The following FRMPD4 variants were observed in gnomAD, a reference collection of about 807,000 sequenced individuals.
FRMPD4 encodes FERM and PDZ domain-containing protein 4.
FRMPD4 carries 22 observed loss-of-function variants against 94.1 expected under a neutral mutation model. The observed-to-expected ratio is 0.23, with a 90% CI of 0.17 to 0.33. The LOEUF (loss-of-function observed/expected upper bound fraction) is 0.33, where lower values mean the gene tolerates loss of function less well. FRMPD4 is among the 10% of genes least tolerant of loss of function. FRMPD4 has a pLI of 1.00. For synonymous variants in FRMPD4, 631 were observed against 548.6 expected (o/e 1.15, Z -2.10); for missense variants, 1,111 against 1,339.9 (o/e 0.83, Z 2.67).
chrX:12,513,274 A>G (rs1418384756), intron 2 of FRMPD4, among the ~76,000 whole-genome samples: 1 of 111,980 alleles, frequency 8.9e-6, no homozygotes, highest in Non-Finnish European at 1.9e-5. Flanking sequence ...TGATGTTTCC[A>G]TCATGAAATC....
At chrX:12,203,793 G>T (rs1222562235) in intron 1 of FRMPD4, among the ~76,000 whole-genome samples, 1 of 111,808 alleles carries the variant, frequency 8.9e-6, no homozygotes, top group Non-Finnish European at 1.9e-5. Context: ...AGGACAATTT[G>T]TACTTTCACA....
intron 3 of FRMPD4, among the ~76,000 whole-genome samples, chrX:11,961,237 C>T (rs1182082245): frequency 8.9e-6 from 1 of 112,210 alleles, no homozygotes; most frequent in Non-Finnish European, 1.9e-5. Context: ...TTTACTCTCT[C>T]TCCTCTTCTG....
intron 3 of FRMPD4, among the ~76,000 whole-genome samples, chrX:11,886,503 CT>C (rs2053846213): frequency 9.0e-6 from 1 of 111,614 alleles, no homozygotes; most frequent in Non-Finnish European, 1.9e-5. Flanking sequence ...GTGCTTTGCC[CT>C]TTCAAAGCTC....
intron 3 of FRMPD4, among the ~76,000 whole-genome samples, chrX:11,909,569 G>C (rs2053985736): frequency 9.3e-6 from 1 of 107,264 alleles, no homozygotes; most frequent in African/African-American, 3.4e-5. Context: ...CCTTCTGCTT[G>C]CTTTAGGTTT....
chrX:12,300,478 A>G (rs2054842949), intron 1 of FRMPD4, among the ~76,000 whole-genome samples: 1 of 112,069 alleles, frequency 8.9e-6, no homozygotes, highest in South Asian at 3.7e-4. Flanking sequence ...TGTGGACTTC[A>G]TGCCACTCTT....
At chrX:12,680,214 G>C (rs1773281920) in intron 5 of FRMPD4, among the ~76,000 whole-genome samples, 1 of 112,029 alleles carries the variant, frequency 8.9e-6, no homozygotes, top group South Asian at 3.8e-4. Context: ...AAAATGTACA[G>C]GGGTTGATTA....
At chrX:12,239,994 C>T (rs913280505) in intron 1 of FRMPD4, among the ~76,000 whole-genome samples, 1 of 112,116 alleles carries the variant, frequency 8.9e-6, no homozygotes, top group African/African-American at 3.2e-5. Context: ...AGAGATAAAC[C>T]TTCAGTTCAT....
At chrX:11,950,989 G>A (rs1470835119) in intron 3 of FRMPD4, among the ~76,000 whole-genome samples, 1 of 105,385 alleles carries the variant, frequency 9.5e-6, no homozygotes, top group Non-Finnish European at 1.9e-5. Flanking sequence ...AACCTGGGAG[G>A]CGGAGGTTGC....
At position 12,166,342 on chromosome X, in the gene FRMPD4, C is replaced by A. The variant is rs774072658; in HGVS notation, c.41+27330C>A. On this transcript the variant is annotated intron_variant, in intron 1 of 16. Coordinates refer to ENST00000675598, the MANE Select transcript of FRMPD4 (RefSeq NM_001368397.1). ...TTTTGTTTTTGGTTCTGTTTATATG[C>A]TGGATTGTGTTTATTGATTTTCATA... is the stretch of plus-strand genomic sequence containing the variant. 2.7e-5 allele frequency among the ~76,000 whole-genome samples: 3 copies of A among 111,736 alleles called. No homozygotes were observed. In the East Asian group the frequency reaches 8.4e-4, roughly 31 times the overall value.
intron 1 of FRMPD4, among the ~76,000 whole-genome samples, chrX:12,192,358 T>C (rs1185908201): frequency 8.9e-6 from 1 of 112,006 alleles, no homozygotes; most frequent in African/African-American, 3.2e-5. Context: ...ATTCCTGTAG[T>C]GGTATTTAGG....
At chrX:12,230,781 T>A (rs757847398) in intron 1 of FRMPD4, among the ~76,000 whole-genome samples, 12 of 101,524 alleles carry the variant, frequency 1.2e-4, no homozygotes, top group East Asian at 6.1e-4. Flanking sequence ...CTAGAGCTAT[T>A]GATTCAAAGA....
intron 1 of FRMPD4, among the ~76,000 whole-genome samples, chrX:12,312,972 G>A (rs1342852189): frequency 1.8e-5 from 2 of 111,438 alleles, no homozygotes; most frequent in Non-Finnish European, 3.8e-5. Flanking sequence ...GGAAGACTAT[G>A]GGGGAGCGAT....
chrX:12,421,622 G>C (rs2056884515), intron 1 of FRMPD4, among the ~76,000 whole-genome samples: 1 of 109,754 alleles, frequency 9.1e-6, no homozygotes, highest in Admixed American at 9.7e-5. Context: ...AGCTGAGCAT[G>C]GTGGTGTGTG....
At chrX:12,516,605 C>G (rs2058099558) in intron 2 of FRMPD4, among the ~76,000 whole-genome samples, 1 of 111,632 alleles carries the variant, frequency 9.0e-6, no homozygotes, top group Admixed American at 9.5e-5. Context: ...CCTGGCCTTT[C>G]TCTCTGGCTG....
intron 3 of FRMPD4, among the ~76,000 whole-genome samples, chrX:11,900,432 G>T (rs1389371325): frequency 8.9e-6 from 1 of 111,924 alleles, no homozygotes; most frequent in African/African-American, 3.2e-5. Flanking sequence ...CATGGGTAGG[G>T]TTATCTGACC....
chrX:12,498,725 G>T lies in FRMPD4; in HGVS notation c.87G>T (p.Trp29Cys). The T allele has an allele frequency of 8.3e-7, 1 of 1,204,289 alleles. No homozygotes were observed. The highest frequency in any genetic ancestry group is 1.8e-5 in the South Asian group (1 of 56,555). Residue 29 changes from tryptophan to cysteine, a missense_variant, in exon 2 of 17, where the codon TGG becomes TGT. By Grantham distance (215) the Trp-to-Cys change is radical. This residue lies in a region of FRMPD4 where 140 missense variants were observed against 165.9 expected (regional missense o/e 0.84). Transcript: ENST00000675598. ...SSGWPPPSGTWGLSQVPPYGW... is the reference protein window; with the variant it reads ...SSGWPPPSGTCGLSQVPPYGW... Reference sequence around the variant, plus strand: ...GCTGGCCGCCTCCCTCGGGAACCTGGGGCTTGAGCCAGGTGCCGCCCTATG... The same window carrying T: ...GCTGGCCGCCTCCCTCGGGAACCTGTGGCTTGAGCCAGGTGCCGCCCTATG...
intron 1 of FRMPD4, among the ~76,000 whole-genome samples, chrX:12,390,548 T>C (rs1345570842): frequency 9.8e-6 from 1 of 102,167 alleles, no homozygotes; most frequent in African/African-American, 3.8e-5. Context: ...CCATCACCCT[T>C]GAATGGCAAA....
intron 1 of FRMPD4, 87 bp from the exon 2 acceptor site, chrX:12,498,593 G>A: frequency 5.1e-6 from 3 of 586,059 alleles, no homozygotes; most frequent in Non-Finnish European, 9.1e-6. Flanking sequence ...TCTAAGAGGA[G>A]CAAGTCACAT....
chrX:12,712,385 CA>C (rs1569069858), intron 14 of FRMPD4, among the ~76,000 whole-genome samples: 1 of 110,576 alleles, frequency 9.0e-6, no homozygotes, highest in Non-Finnish European at 1.9e-5. Flanking sequence ...ATCGTCTCTA[CA>C]AAAAATATAA....
Sources: gnomAD v4.1 joint callset for allele counts (sites outside exome capture counted in the v4.1 genomes callset) on GRCh38, gnomAD v4.1.1 for gene constraint, gnomAD v4.1.1 regional missense constraint, MANE v1.5 for transcripts, NCBI Gene and HGNC (gene_info 2026-07-23, HGNC 2026-07-21) for gene names.